MTA2: variants seen among roughly 807,000 people sequenced by gnomAD.
The protein encoded by MTA2 is metastasis associated 1 family member 2, also known as metastasis-associated protein MTA2.
MTA2 carries 22 observed loss-of-function variants against 87.1 expected under a neutral mutation model. The observed-to-expected ratio is 0.25, with a 90% confidence interval of 0.18 to 0.36. The LOEUF (loss-of-function observed/expected upper bound fraction) is 0.36. Among genes scored for constraint, MTA2 ranks in the 10% least tolerant of loss-of-function variants. The pLI is 1.00. For synonymous variants in MTA2, 314 were observed against 310.1 expected, an observed-to-expected ratio of 1.01 and a Z score of -0.13; for missense variants, 542 against 853.2, an observed-to-expected ratio of 0.64 and a Z score of 4.54.
intron 8 of MTA2, 91 bp downstream of exon 8, chr11:62,597,225 C>A: frequency 1.2e-6 from 1 of 841,768 alleles, no homozygotes; most frequent in Non-Finnish European, 1.9e-6. Flanking sequence ...AACACTCCCA[C>A]TCCCTCAGAG....
chr11:62,593,627 C>A lies in MTA2; in HGVS notation c.*248G>T, dbSNP rs912547863. On this transcript the variant is annotated 3_prime_UTR_variant, in exon 18 of 18. Transcript: ENST00000278823. The stretch of plus-strand genomic sequence containing the variant: ...CCAAGACATCTGTGGGTCCTACCCC[C>A]CAAAACAGGCTAGGTTCCCACATGG... 4 of 479,696 alleles carry A rather than the reference C, an allele frequency of 8.3e-6. No individual in the cohort carries two copies. The highest frequency in any genetic ancestry group is 2.0e-5 in the African/African-American group (1 of 50,078). The allele number at this position is 479,696 out of a possible 1,614,324, so 29.7% of individuals were successfully genotyped here.
At chr11:62,597,060 G>C (rs1268703075) in intron 8 of MTA2, among the ~76,000 whole-genome samples, 1 of 152,116 alleles carries the variant, frequency 6.6e-6, no homozygotes, top group Non-Finnish European at 1.5e-5. Flanking sequence ...GTGGTGGCGG[G>C]TGCCTGTAGT....
intron 15 of MTA2, among the ~76,000 whole-genome samples, 169 bp from the exon 16 acceptor site, chr11:62,594,803 T>C (rs1028592747): frequency 6.6e-6 from 1 of 152,122 alleles, no homozygotes; most frequent in Non-Finnish European, 1.5e-5. Flanking sequence ...TATGACCTTA[T>C]CAAATCAGTA....
At chr11:62,597,855 T>C in intron 6 of MTA2, 143 bp from the exon 7 acceptor site, 1 of 1,023,520 alleles carries the variant, frequency 9.8e-7, no homozygotes, top group Non-Finnish European at 1.5e-6. Context: ...CTGTTCCCAT[T>C]TTCCCTTTTC....
Position 62,593,622 on chromosome 11 carries a change from A to AC in MTA2, c.*252dup. The AC allele has an allele frequency of 6.7e-6, 3 of 451,110 alleles. No homozygotes were observed. The highest frequency in any genetic ancestry group is 1.2e-5 in the Non-Finnish European group (3 of 252,060). The allele number at this position is 451,110 out of a possible 1,614,324, so 27.9% of individuals were successfully genotyped here. On this transcript the variant is annotated 3_prime_UTR_variant, in exon 18 of 18. Transcript: ENST00000278823. The stretch of plus-strand genomic sequence containing the variant: ...ACTGTCCAAGACATCTGTGGGTCCT[A>AC]CCCCCCAAAACAGGCTAGGTTCCCA...
chr11:62,600,072 T>C, intron 3 of MTA2, 94 bp downstream of exon 3: 3 of 1,181,592 alleles, frequency 2.5e-6, no homozygotes, highest in South Asian at 1.3e-5. Flanking sequence ...CTCACACCTC[T>C]GCCTTGGGCA....
chr11:62,593,967 T>C lies in MTA2; in HGVS notation c.1915A>G (p.Lys639Glu), dbSNP rs1942060985. The change falls in exon 18 of 18, where the codon AAG becomes GAG. Residue 639 changes from lysine (K) to glutamate (E), a missense_variant. Physicochemically the swap from Lys to Glu is moderately conservative, Grantham distance 56. Coordinates refer to ENST00000278823, the MANE Select transcript of MTA2 (RefSeq NM_004739.4). ...ARRPNLPLKV[K>E]PTLIAVRPPV... The stretch of plus-strand genomic sequence containing the variant: ...GGCCGCACTGCAATCAGCGTTGGCT[T>C]CACCTTCAGGGGCAAGTTGGGTCGG... The C allele has an allele frequency of 1.9e-6, 3 of 1,613,880 alleles. No homozygotes were observed. In the African/African-American group the frequency reaches 4.0e-5, roughly 22 times the overall value.
chr11:62,601,111 T>G, intron 1 of MTA2: 1 of 492,122 alleles, frequency 2.0e-6, no homozygotes, highest in Non-Finnish European at 3.6e-6. Flanking sequence ...CCCCAGCCCC[T>G]CGCGTTCCCT....
In MTA2 at chr11:62,601,466, C is replaced by T. The variant is rs748117521; in HGVS notation, c.-16G>A. 8 of 1,607,552 alleles carry T rather than the reference C, an allele frequency of 5.0e-6. No individual in the cohort carries two copies. Among genetic ancestry groups the T allele is most frequent in the Non-Finnish European group, 5.9e-6 (7 of 1,177,642 alleles). ...TGGCCGCCATGGCCGTTCCCGCCGC[C>T]GCCTCCGGCCGCACAAAGGGGTCCG... On this transcript the variant is annotated 5_prime_UTR_variant, in exon 1 of 18. Coordinates refer to ENST00000278823, the MANE Select transcript of MTA2 (RefSeq NM_004739.4).
chr11:62,597,911 G>T, intron 6 of MTA2, 113 bp downstream of exon 6: 1 of 1,079,896 alleles, frequency 9.3e-7, no homozygotes, highest in Non-Finnish European at 1.4e-6. Flanking sequence ...AGAGAGCCCT[G>T]CAGACAGTGC....
intron 5 of MTA2, 45 bp downstream of exon 5, chr11:62,598,282 G>A (rs1684658759): frequency 1.3e-6 from 2 of 1,596,482 alleles, no homozygotes; most frequent in Non-Finnish European, 1.7e-6. Flanking sequence ...TCTTTTGCGG[G>A]CAATACCCAT....
intron 17 of MTA2, 52 bp downstream of exon 17, chr11:62,594,207 A>T (rs1942064445): frequency 6.2e-7 from 1 of 1,607,072 alleles, no homozygotes; most frequent in Non-Finnish European, 8.5e-7. Flanking sequence ...TACTCCCCAC[A>T]CTCACCAGCC....
intron 10 of MTA2, 59 bp downstream of exon 10, chr11:62,596,399 C>G (rs913772744): frequency 1.2e-6 from 2 of 1,613,212 alleles, no homozygotes; most frequent in African/African-American, 2.7e-5. Flanking sequence ...ATGTCATCAA[C>G]TTCAAAGGCA....
At chr11:62,598,475 T>C (rs1403484454) in intron 4 of MTA2, 47 bp downstream of exon 4, 2 of 1,608,146 alleles carry the variant, frequency 1.2e-6, no homozygotes, top group Non-Finnish European at 1.7e-6. Context: ...TCTCTCCATC[T>C]TCTACGTAAG....
At chr11:62,594,882 C>A in intron 15 of MTA2, 99 bp downstream of exon 15, 1 of 1,119,148 alleles carries the variant, frequency 8.9e-7, no homozygotes. Flanking sequence ...GACTAAATCT[C>A]TGAGGACACT....
In MTA2 at chr11:62,601,058, G is replaced by A. The variant is rs1325660818; in HGVS notation, c.28+365C>T. The A allele has an allele frequency of 6.0e-6, 3 of 503,634 alleles. No individual in the cohort carries two copies. In the African/African-American group the frequency reaches 6.1e-5, roughly 10 times the overall value. The allele number at this position is 503,634 out of a possible 1,614,324, so 31.2% of individuals were successfully genotyped here. On this transcript the variant is annotated intron_variant, in intron 1 of 17. Coordinates refer to ENST00000278823, the MANE Select transcript of MTA2 (RefSeq NM_004739.4). Reference sequence around the variant, plus strand: ...CGAGGCGCACAATAACGCCTGGGAAGAGGAAACCTCCGGGCGGCTCCCCCG... The same window carrying A: ...CGAGGCGCACAATAACGCCTGGGAAAAGGAAACCTCCGGGCGGCTCCCCCG...
intron 1 of MTA2, 129 bp downstream of exon 1, chr11:62,601,294 G>C: frequency 8.3e-7 from 1 of 1,202,572 alleles, no homozygotes; most frequent in Non-Finnish European, 1.2e-6. Flanking sequence ...TCCCGGTTCC[G>C]GTTCCGGTCC....
intron 1 of MTA2, 115 bp downstream of exon 1, chr11:62,601,308 C>T (rs1590734200): frequency 7.5e-7 from 1 of 1,338,630 alleles, no homozygotes; most frequent in East Asian, 2.7e-5. Flanking sequence ...CCGGTCCGCG[C>T]TCCGGTCCAC....
chr11:62,594,856 A>G (rs1399198288), intron 15 of MTA2, 125 bp downstream of exon 15: 1 of 978,824 alleles, frequency 1.0e-6, no homozygotes, highest in South Asian at 1.6e-5. Context: ...TTAAACAACA[A>G]AAGTACAGTT....
Sources: allele counts gnomAD v4.1 joint callset (sites outside exome capture counted in the v4.1 genomes callset), GRCh38; gene constraint gnomAD v4.1.1; transcripts MANE v1.5; gene names NCBI Gene and HGNC (gene_info 2026-07-23, HGNC 2026-07-21).